Variants in TNNI3K observed in about 807,000 individuals in gnomAD.
The protein encoded by TNNI3K is serine/threonine-protein kinase TNNI3K.
In TNNI3K, 140 loss-of-function variants were observed where a neutral mutation model predicts 114.5. The ratio of observed to expected loss-of-function variants is 1.22; its 90% CI spans 1.07 to 1.41. The LOEUF (loss-of-function observed/expected upper bound fraction) is 1.41, where lower values mean the gene tolerates loss of function less well. Among genes scored for constraint, TNNI3K ranks in the 40% most tolerant of loss-of-function variants. TNNI3K has a pLI of 0.00. For synonymous variants in TNNI3K, 347 were observed against 347.5 expected (o/e 1.00, Z 0.02); for missense variants, 1,125 against 1,007.6 (o/e 1.12, Z -1.58).
chr1:74,313,750 C>G (rs1304109220), intron 5 of TNNI3K, among the ~76,000 whole-genome samples: 1 of 151,984 alleles, frequency 6.6e-6, no homozygotes, highest in Non-Finnish European at 1.5e-5. Context: ...AAGCTATTCT[C>G]TGTACTCTGT....
At chr1:74,381,061 G>T in intron 17 of TNNI3K, among the ~76,000 whole-genome samples, 1 of 152,136 alleles carries the variant, frequency 6.6e-6, no homozygotes, top group Non-Finnish European at 1.5e-5. Flanking sequence ...CCTTTTTAAA[G>T]TCTCATTTAA....
At chr1:74,403,638 A>G (rs1664477275) in intron 17 of TNNI3K, among the ~76,000 whole-genome samples, 1 of 152,196 alleles carries the variant, frequency 6.6e-6, no homozygotes, top group Non-Finnish European at 1.5e-5. Context: ...AAAAATGAAA[A>G]TGAACCAGTG....
chr1:74,297,249 G>A (rs1457896809), intron 5 of TNNI3K, among the ~76,000 whole-genome samples: 2 of 152,202 alleles, frequency 1.3e-5, no homozygotes, highest in Non-Finnish European at 2.9e-5. Context: ...GTAGTCACAT[G>A]TTGAATACTT....
At chr1:74,512,940 G>A (rs1173903662) in intron 23 of TNNI3K, among the ~76,000 whole-genome samples, 1 of 152,102 alleles carries the variant, frequency 6.6e-6, no homozygotes, top group Non-Finnish European at 1.5e-5. Context: ...CCCTCATCCG[G>A]GTAAATGGCT....
chr1:74,464,586 G>C, intron 21 of TNNI3K: 1 of 1,522,116 alleles, frequency 6.6e-7, no homozygotes, highest in Non-Finnish European at 8.8e-7. Context: ...ATAGGCCCCA[G>C]TCCAGATGTT....
At chr1:74,529,719 T>C (rs1646555848) in intron 23 of TNNI3K, among the ~76,000 whole-genome samples, 1 of 152,202 alleles carries the variant, frequency 6.6e-6, no homozygotes, top group Non-Finnish European at 1.5e-5. Context: ...ATAAACACTG[T>C]ATAATTGTGG....
At chr1:74,331,647 T>A in intron 6 of TNNI3K, 99 bp downstream of exon 6, 2 of 1,102,154 alleles carry the variant, frequency 1.8e-6, no homozygotes, top group Non-Finnish European at 2.5e-6. Context: ...TAAAATATAT[T>A]TGAATTATTT....
intron 1 of TNNI3K, among the ~76,000 whole-genome samples, chr1:74,235,900 G>A (rs1035797148): frequency 2.0e-5 from 3 of 151,156 alleles, no homozygotes; most frequent in Admixed American, 6.6e-5. Context: ...ATCCAATATC[G>A]AATGGGTTCT....
chr1:74,504,164 C>G (rs1253824041), intron 23 of TNNI3K, among the ~76,000 whole-genome samples: 1 of 152,168 alleles, frequency 6.6e-6, no homozygotes, highest in Non-Finnish European at 1.5e-5. Flanking sequence ...TTGCTAGTGC[C>G]CTCTGCATTG....
intron 5 of TNNI3K, among the ~76,000 whole-genome samples, chr1:74,287,805 T>C (rs1657426851): frequency 6.6e-6 from 1 of 151,934 alleles, no homozygotes. Context: ...ACTTATGAAA[T>C]GGGAGGAAAT....
chr1:74,297,522 C>CGTGTGTGTGCGTGTGT (rs1658065362), intron 5 of TNNI3K, among the ~76,000 whole-genome samples: 1 of 145,354 alleles, frequency 6.9e-6, no homozygotes, highest in Admixed American at 6.9e-5. Context: ...TGTGTGTGTG[C>CGTGTGTGTGCGTGTGT]GTGTGTGTGT....
intron 5 of TNNI3K, among the ~76,000 whole-genome samples, chr1:74,309,326 G>A (rs534138465): frequency 6.9e-5 from 8 of 116,076 alleles, no homozygotes; most frequent in Middle Eastern, 7.2e-3. Context: ...CCGAGATTGC[G>A]CCACTGCACT....
intron 17 of TNNI3K, among the ~76,000 whole-genome samples, chr1:74,391,848 G>C (rs1040756202): frequency 6.6e-6 from 1 of 151,462 alleles, no homozygotes. Flanking sequence ...TGAGAGGGGA[G>C]CATTTTTCAA....
At chr1:74,406,033 G>T (rs531164322) in intron 17 of TNNI3K, among the ~76,000 whole-genome samples, 22 of 152,316 alleles carry the variant, frequency 1.4e-4, no homozygotes, top group Middle Eastern at 6.8e-3. Flanking sequence ...TTTGCTCTGG[G>T]TTTTACAAGG....
intron 23 of TNNI3K, among the ~76,000 whole-genome samples, chr1:74,537,185 G>T (rs951041054): frequency 2.0e-5 from 3 of 152,172 alleles, no homozygotes; most frequent in African/African-American, 7.2e-5. Flanking sequence ...AGCCATTTTG[G>T]TGATAAAATA....
intron 17 of TNNI3K, among the ~76,000 whole-genome samples, chr1:74,412,329 C>T (rs140552512): frequency 1.8e-3 from 279 of 152,240 alleles, no homozygotes; most frequent in African/African-American, 6.4e-3. Flanking sequence ...TCTGTTCCTA[C>T]CCTGACTGAG....
At chr1:74,286,493 G>A (rs1308631749) in intron 5 of TNNI3K, among the ~76,000 whole-genome samples, 2 of 152,068 alleles carry the variant, frequency 1.3e-5, no homozygotes, top group African/African-American at 2.4e-5. Context: ...TAGAGTTCAT[G>A]TAAGCCCTCC....
intron 4 of TNNI3K, among the ~76,000 whole-genome samples, chr1:74,262,168 T>C (rs1428984863): frequency 6.6e-6 from 1 of 152,112 alleles, no homozygotes; most frequent in Non-Finnish European, 1.5e-5. Flanking sequence ...CTGCTGTCGA[T>C]TTAGACCAAG....
At chr1:74,505,697 C>A (rs954082750) in intron 23 of TNNI3K, among the ~76,000 whole-genome samples, 33 of 152,150 alleles carry the variant, frequency 2.2e-4, no homozygotes, top group Admixed American at 1.6e-3. Context: ...AACCAGTTGT[C>A]ATTTCTCATT....
Sources: gnomAD v4.1 joint callset for allele counts (sites outside exome capture counted in the v4.1 genomes callset) on GRCh38, gnomAD v4.1.1 for gene constraint, MANE v1.5 for transcripts, NCBI Gene and HGNC (gene_info 2026-07-23, HGNC 2026-07-21) for gene names.